The following TTC28 variants were observed in gnomAD, a reference collection of about 807,000 sequenced individuals.
TTC28 encodes the protein tetratricopeptide repeat domain 28, also known as tetratricopeptide repeat protein 28.
TTC28 carries 61 observed loss-of-function variants against 198.0 expected under a neutral mutation model. The ratio of observed to expected loss-of-function variants is 0.31; its 90% confidence interval spans 0.25 to 0.38. The LOEUF (loss-of-function observed/expected upper bound fraction) is 0.38, where lower values mean the gene tolerates loss of function less well. Ranked by LOEUF, TTC28 falls within the 10% of genes least tolerant of loss-of-function variation. The probability of loss-of-function intolerance (pLI) is 1.00; values close to 1 mark genes in which losing one functional copy is unlikely to be tolerated. For missense variants in TTC28, 2,678 were observed against 3,164.0 expected (o/e 0.85, Z 3.69); for synonymous variants, 1,171 against 1,297.8 (o/e 0.90, Z 2.10).
At chr22:28,215,634 G>A (rs188548274) in intron 5 of TTC28, among the ~76,000 whole-genome samples, 35 of 152,282 alleles carry the variant, frequency 2.3e-4, no homozygotes, top group Admixed American at 1.6e-3. Context: ...GTGTGTGTGT[G>A]TGTATGTGTA....
intron 12 of TTC28, among the ~76,000 whole-genome samples, chr22:28,030,848 G>A (rs757005024): frequency 6.6e-5 from 10 of 152,200 alleles, no homozygotes; most frequent in Non-Finnish European, 1.0e-4. Flanking sequence ...CTAGGCAAGG[G>A]GGACATGCAG....
chr22:28,562,535 C>T (rs992960414), intron 2 of TTC28, among the ~76,000 whole-genome samples: 7 of 152,028 alleles, frequency 4.6e-5, no homozygotes, highest in African/African-American at 7.2e-5. Context: ...GAAACTAACA[C>T]ACAATAAGTA....
At chr22:28,493,331 G>A (rs2048404640) in intron 2 of TTC28, among the ~76,000 whole-genome samples, 1 of 152,088 alleles carries the variant, frequency 6.6e-6, no homozygotes, top group African/African-American at 2.4e-5. Flanking sequence ...ATTCCAGCCT[G>A]GGCGACAGAG....
At chr22:28,376,975 C>T (rs973648716) in intron 2 of TTC28, among the ~76,000 whole-genome samples, 4 of 151,884 alleles carry the variant, frequency 2.6e-5, no homozygotes, top group African/African-American at 7.3e-5. Context: ...TGAAAAAAAC[C>T]TTGTCATACA....
At position 27,982,598 on chromosome 22, in the gene TTC28, C is replaced by T. The variant is rs1295343429; in HGVS notation, c.7069G>A (p.Val2357Ile). The change falls in exon 23 of 23, where the codon GTC (valine) becomes ATC (isoleucine). Residue 2357 changes from valine to isoleucine, a missense_variant. This residue lies in a region of TTC28 where 622 missense variants were observed against 656.0 expected (regional missense o/e 0.95). Coordinates refer to ENST00000397906, the MANE Select transcript of TTC28 (RefSeq NM_001145418.2). This position sits in a 1 kb window ranked among gnomAD's most constrained non-coding sequence, Gnocchi z 5.2. The part of the protein sequence containing the change: ...MAAIDEKVQA[V>I]HNLKMFWQST... Reference sequence around the variant, plus strand: ...TGCCAGAACATCTTCAGGTTATGGACAGCCTGCACCTTTTCATCAATGGCT... The same window carrying T: ...TGCCAGAACATCTTCAGGTTATGGATAGCCTGCACCTTTTCATCAATGGCT... The T allele has an allele frequency of 2.6e-6, 4 of 1,551,736 alleles. No homozygotes were observed. The South Asian group carries it at 3.6e-5, about 14-fold the overall frequency.
chr22:28,126,378 CGGTATTTGA>C (rs2146952412), intron 6 of TTC28, among the ~76,000 whole-genome samples: 1 of 152,260 alleles, frequency 6.6e-6, no homozygotes, highest in East Asian at 1.9e-4. Flanking sequence ...CACAATCTCA[CGGTATTTGA>C]GGTTAATCCA....
chr22:28,433,937 T>C (rs975231516), intron 2 of TTC28, among the ~76,000 whole-genome samples: 1 of 152,236 alleles, frequency 6.6e-6, no homozygotes, highest in African/African-American at 2.4e-5. Flanking sequence ...TAATTCTTGG[T>C]CATCAATACC....
intron 12 of TTC28, among the ~76,000 whole-genome samples, chr22:28,089,798 G>C (rs1439548208): frequency 6.6e-6 from 1 of 151,174 alleles, no homozygotes; most frequent in Non-Finnish European, 1.5e-5. Context: ...AAAATGATGA[G>C]TTCCTGTCCT....
At chr22:28,328,777 TAA>T (rs2045571677) in intron 2 of TTC28, among the ~76,000 whole-genome samples, 1 of 142,496 alleles carries the variant, frequency 7.0e-6, no homozygotes, top group Non-Finnish European at 1.5e-5. Flanking sequence ...ATAATAATAA[TAA>T]TAATAATAAT....
rs1478729993 is a variant in TTC28, at chr22:27,983,195, C to A, written c.6472G>T (p.Asp2158Tyr). The A allele has an allele frequency of 6.4e-7, 1 of 1,551,838 alleles. No individual in the cohort carries two copies. Among genetic ancestry groups the A allele is most frequent in the South Asian group, 1.2e-5 (1 of 84,056 alleles). Residue 2158 changes from aspartate to tyrosine, a missense_variant, in exon 23 of 23, where the codon GAT becomes TAT. Coordinates refer to ENST00000397906, the MANE Select transcript of TTC28 (RefSeq NM_001145418.2). The stretch of plus-strand genomic sequence containing the variant: ...ATTTTCTGGGCTAACTCTTGTGGAT[C>A]CAGTTTTGGGTTGCTTTCTTCTTGG... ...KSQEESNPKL[D>Y]PQELAQKILE...
intron 2 of TTC28, among the ~76,000 whole-genome samples, chr22:28,582,886 G>A (rs2050252413): frequency 6.6e-6 from 1 of 152,058 alleles, no homozygotes; most frequent in South Asian, 2.1e-4. Flanking sequence ...ACAGCACATG[G>A]GTACATTCCA....
intron 2 of TTC28, among the ~76,000 whole-genome samples, chr22:28,320,468 G>A (rs569783834): frequency 1.3e-5 from 2 of 152,212 alleles, no homozygotes; most frequent in South Asian, 2.1e-4. Flanking sequence ...CGGGATTCCC[G>A]CCACTGCTAG....
At chr22:28,670,106 G>GGC (rs2051855177) in intron 1 of TTC28, among the ~76,000 whole-genome samples, 1 of 142,752 alleles carries the variant, frequency 7.0e-6, no homozygotes, top group African/African-American at 2.6e-5. Context: ...AATGGGGGGG[G>GGC]GGCAAATAAA....
intron 13 of TTC28, among the ~76,000 whole-genome samples, chr22:28,024,188 G>T (rs1368341278): frequency 6.6e-6 from 1 of 152,128 alleles, no homozygotes; most frequent in Non-Finnish European, 1.5e-5. Flanking sequence ...CAAATGCAAG[G>T]TGCATGGTTG....
chr22:28,587,604 G>A (rs537000931), intron 2 of TTC28, among the ~76,000 whole-genome samples: 3 of 151,648 alleles, frequency 2.0e-5, no homozygotes, highest in African/African-American at 4.8e-5. Context: ...ACACCACCAC[G>A]CCTGGCTAAT....
At chr22:28,062,012 C>T (rs1456473475) in intron 12 of TTC28, among the ~76,000 whole-genome samples, 1 of 151,944 alleles carries the variant, frequency 6.6e-6, no homozygotes, top group Non-Finnish European at 1.5e-5. Flanking sequence ...TGATTTGGCT[C>T]TCTGTTTGTC....
intron 2 of TTC28, among the ~76,000 whole-genome samples, chr22:28,352,133 T>G (rs2046005824): frequency 6.6e-6 from 1 of 152,110 alleles, no homozygotes; most frequent in African/African-American, 2.4e-5. Context: ...AAAGTTTAAA[T>G]TTTCACCAAT....
intron 2 of TTC28, among the ~76,000 whole-genome samples, chr22:28,497,505 C>T (rs748667776): frequency 6.6e-6 from 1 of 151,980 alleles, no homozygotes; most frequent in Non-Finnish European, 1.5e-5. Context: ...AACACGGATA[C>T]CCAGGATCCT....
rs2050542732 is a variant in TTC28, at chr22:28,596,305, C to T, written c.381+33247G>A. Among the ~76,000 whole-genome samples, 4 of 152,192 alleles carry T rather than the reference C, an allele frequency of 2.6e-5. No homozygotes were observed. The South Asian group carries it at 8.3e-4, about 32-fold the overall frequency. On this transcript the variant is annotated intron_variant, in intron 2 of 22. Coordinates refer to ENST00000397906, the MANE Select transcript of TTC28 (RefSeq NM_001145418.2). ...ACTGGTTAGAGTGTAGTGGGCAAAG[C>T]AGTGAGTGGTAAAAGATGATTATCA...
Sources: gnomAD v4.1 joint callset for allele counts (sites outside exome capture counted in the v4.1 genomes callset) on GRCh38, gnomAD v4.1.1 for gene constraint, gnomAD v4.1.1 regional missense constraint, Gnocchi (gnomAD v3.1) non-coding constraint, MANE v1.5 for transcripts, NCBI Gene and HGNC (gene_info 2026-07-23, HGNC 2026-07-21) for gene names.